MAD1L1: variants seen among roughly 807,000 people sequenced by gnomAD.
MAD1L1 encodes the protein mitotic arrest deficient 1 like 1.
MAD1L1 carries 95 observed loss-of-function variants against 96.9 expected under a neutral mutation model. That is an observed-to-expected ratio of 0.98 (90% CI 0.83 to 1.16). MAD1L1 has a LOEUF of 1.16. MAD1L1 is among the 50% of genes most tolerant of loss of function. The pLI, the probability that MAD1L1 is intolerant of heterozygous loss-of-function variation, is 0.00. For missense variants in MAD1L1, 1,007 were observed against 954.4 expected, an observed-to-expected ratio of 1.06 and a Z score of -0.73; for synonymous variants, 473 against 396.6, an observed-to-expected ratio of 1.19 and a Z score of -2.29.
In MAD1L1 at chr7:1,913,803, G is replaced by A. The variant is rs185616331; in HGVS notation, c.1808-15413C>T. On this transcript the variant is annotated intron_variant, in intron 17 of 18. Coordinates refer to ENST00000265854, the MANE Select transcript of MAD1L1 (RefSeq NM_001013836.2). ...CCGTCCGGATTCCGTGGGGAGTGGA[G>A]GGGAGGCTCCCTGGCTGCCTCCGCC... Among the ~76,000 whole-genome samples the A allele has an allele frequency of 1.9e-3, 283 of 152,252 alleles. 1 individual carries two copies. The highest frequency in any genetic ancestry group is 5.9e-4 in the Non-Finnish European group (40 of 67,990).
chr7:2,034,409 G>C (rs567921531), intron 12 of MAD1L1, among the ~76,000 whole-genome samples: 2 of 152,164 alleles, frequency 1.3e-5, no homozygotes, highest in African/African-American at 4.8e-5. Context: ...TAGAGACGGG[G>C]TTTCACCGTG....
At chr7:1,875,179 G>C (rs1380679212) in intron 18 of MAD1L1, among the ~76,000 whole-genome samples, 1 of 152,172 alleles carries the variant, frequency 6.6e-6, no homozygotes, top group African/African-American at 2.4e-5. Context: ...CATGGCTTCT[G>C]ACCCTTCAGA....
rs1300391994 is a variant in MAD1L1 at position 1,961,437 on chromosome 7, ACAAC to A, written c.1506-3722_1506-3719del. 2.6e-5 allele frequency among the ~76,000 whole-genome samples: 4 copies of A among 152,370 alleles called. No homozygotes were observed. In the East Asian group the frequency reaches 5.8e-4, roughly 22 times the overall value. ...AGAGTCCAGAAATAGGAGCACAAAC[ACAAC>A]CAATTTTTGAAAAATATATGAAGGC... On this transcript the variant is annotated intron_variant, in intron 15 of 18. Transcript: ENST00000265854.
At chr7:2,067,042 C>T (rs1209953435) in intron 12 of MAD1L1, among the ~76,000 whole-genome samples, 1 of 152,232 alleles carries the variant, frequency 6.6e-6, no homozygotes, top group African/African-American at 2.4e-5. Context: ...GGAGGACCAA[C>T]CCAAAGTGCT....
At chr7:2,204,638 G>A (rs922398441) in intron 10 of MAD1L1, among the ~76,000 whole-genome samples, 1 of 152,256 alleles carries the variant, frequency 6.6e-6, no homozygotes, top group Non-Finnish European at 1.5e-5. Context: ...CACCGCCGCT[G>A]CCGCGCATTA....
chr7:2,045,834 G>C (rs2128513987), intron 12 of MAD1L1, among the ~76,000 whole-genome samples: 1 of 152,294 alleles, frequency 6.6e-6, no homozygotes, highest in African/African-American at 2.4e-5. Context: ...CCTTCCCTAA[G>C]CCTCGGAGCA....
chr7:2,082,190 A>C (rs1785687526), intron 11 of MAD1L1, among the ~76,000 whole-genome samples: 2 of 151,916 alleles, frequency 1.3e-5, no homozygotes, highest in African/African-American at 4.8e-5. Flanking sequence ...GGGGACGGGG[A>C]CCAGGAGGCC....
chr7:2,204,018 A>T (rs1468314080), intron 10 of MAD1L1, among the ~76,000 whole-genome samples: 1 of 152,230 alleles, frequency 6.6e-6, no homozygotes, highest in Non-Finnish European at 1.5e-5. Flanking sequence ...TTTTCATTCC[A>T]TTCATTTGCA....
At chr7:2,149,818 G>T (rs910691596) in intron 10 of MAD1L1, among the ~76,000 whole-genome samples, 1 of 152,244 alleles carries the variant, frequency 6.6e-6, no homozygotes. Context: ...ATCAGCAACA[G>T]CTGAGCTCGG....
At chr7:2,020,976 A>G (rs1487526493) in intron 12 of MAD1L1, among the ~76,000 whole-genome samples, 1 of 152,242 alleles carries the variant, frequency 6.6e-6, no homozygotes, top group Non-Finnish European at 1.5e-5. Flanking sequence ...AATAAAGATG[A>G]GAGCATAAAT....
intron 18 of MAD1L1, chr7:1,847,629 GC>G (rs1562452440): frequency 4.2e-6 from 2 of 470,848 alleles, no homozygotes; most frequent in Non-Finnish European, 8.8e-6. Flanking sequence ...GGCAGGCCTC[GC>G]CCCCTCCAGC....
chr7:2,163,466 C>A (rs569756008), intron 10 of MAD1L1, among the ~76,000 whole-genome samples: 9 of 152,130 alleles, frequency 5.9e-5, no homozygotes, highest in African/African-American at 1.9e-4. Context: ...CTCTGCCCCC[C>A]CGGTTCAAGC....
intron 10 of MAD1L1, among the ~76,000 whole-genome samples, chr7:2,211,701 G>C (rs555078398): frequency 6.6e-6 from 1 of 152,356 alleles, no homozygotes; most frequent in Admixed American, 6.5e-5. Flanking sequence ...AGTTCAAGAG[G>C]AGACAGCAGC....
intron 11 of MAD1L1, among the ~76,000 whole-genome samples, chr7:2,118,265 T>C (rs1787810640): frequency 6.6e-6 from 1 of 152,216 alleles, no homozygotes; most frequent in African/African-American, 2.4e-5. Context: ...CCAGCCCTGC[T>C]CTGGGGGCTC....
chr7:2,104,558 C>T (rs1786988911), intron 11 of MAD1L1, among the ~76,000 whole-genome samples: 1 of 152,252 alleles, frequency 6.6e-6, no homozygotes, highest in Admixed American at 6.5e-5. Context: ...GAAATGCCAG[C>T]AACTACAGAT....
chr7:2,004,723 T>G (rs1465420497), intron 13 of MAD1L1, among the ~76,000 whole-genome samples: 1 of 152,196 alleles, frequency 6.6e-6, no homozygotes, highest in Non-Finnish European at 1.5e-5. Flanking sequence ...TTCATCAGGT[T>G]TCTGTGAGGA....
intron 10 of MAD1L1, among the ~76,000 whole-genome samples, chr7:2,213,002 C>G (rs918738500): frequency 8.5e-5 from 13 of 152,234 alleles, no homozygotes; most frequent in Admixed American, 2.6e-4. Context: ...GAAGATGTTA[C>G]TAAGGCTTCA....
chr7:2,130,179 C>T (rs771338507), intron 11 of MAD1L1, among the ~76,000 whole-genome samples: 6 of 152,262 alleles, frequency 3.9e-5, no homozygotes, highest in Admixed American at 6.5e-5. Flanking sequence ...GCAGCAGGTG[C>T]CTGGCTGGGC....
chr7:2,180,021 C>T (rs1414515647), intron 10 of MAD1L1, among the ~76,000 whole-genome samples: 2 of 152,120 alleles, frequency 1.3e-5, no homozygotes, highest in African/African-American at 2.4e-5. Context: ...GATTTCACCT[C>T]CCCTAATCTC....
Sources: gnomAD v4.1 joint callset for allele counts (sites outside exome capture counted in the v4.1 genomes callset) on GRCh38, gnomAD v4.1.1 for gene constraint, MANE v1.5 for transcripts, NCBI Gene and HGNC (gene_info 2026-07-23, HGNC 2026-07-21) for gene names.